TNNI3K: variants seen among roughly 807,000 people sequenced by gnomAD.
TNNI3K encodes the protein serine/threonine-protein kinase TNNI3K.
A neutral mutation model predicts 114.5 loss-of-function variants in TNNI3K; 140 were observed. The observed-to-expected ratio is 1.22, with a 90% CI of 1.07 to 1.41. The LOEUF is 1.41. TNNI3K is among the 40% of genes most tolerant of loss of function. The pLI, the probability that TNNI3K is intolerant of heterozygous loss-of-function variation, is 0.00. For missense variants in TNNI3K, 1,125 were observed against 1,007.6 expected (o/e 1.12, Z -1.58); for synonymous variants, 347 against 347.5 (o/e 1.00, Z 0.02).
chr1:74,364,261 C>T lies in TNNI3K; in HGVS notation c.1178-2995C>T, dbSNP rs140532377. Reference sequence around the variant, plus strand: ...CTCAAACAATCCCTCCACCTCAGCCCCACAAAACACTGGGGTATGAGTCAA... The same window carrying T: ...CTCAAACAATCCCTCCACCTCAGCCTCACAAAACACTGGGGTATGAGTCAA... On this transcript the variant is annotated intron_variant, in intron 11 of 24. Transcript: ENST00000326637. Among the ~76,000 whole-genome samples, 6 of 151,830 alleles carry T rather than the reference C, an allele frequency of 4.0e-5. No individual in the cohort carries two copies. The East Asian group carries it at 1.2e-3, about 30-fold the overall frequency.
chr1:74,396,026 T>G (rs1370868650), intron 17 of TNNI3K, among the ~76,000 whole-genome samples: 4 of 152,178 alleles, frequency 2.6e-5, no homozygotes, highest in Non-Finnish European at 5.9e-5. Flanking sequence ...GGTTATGCTC[T>G]TTGTTGGATT....
chr1:74,271,996 C>T (rs138551556), intron 5 of TNNI3K, among the ~76,000 whole-genome samples: 2 of 152,010 alleles, frequency 1.3e-5, no homozygotes, highest in African/African-American at 4.8e-5. Flanking sequence ...GGGGAAGTTA[C>T]TGAATCTCAT....
At position 74,343,087 on chromosome 1, in the gene TNNI3K, T is replaced by C. The variant is rs757528087; in HGVS notation, c.840T>C (p.Asn280=). 2 of 1,613,460 alleles carry C rather than the reference T, an allele frequency of 1.2e-6. No individual in the cohort carries two copies. Among genetic ancestry groups the C allele is most frequent in the African/African-American group, 1.3e-5 (1 of 75,000 alleles). The change falls in exon 9 of 25, where the codon AAT becomes AAC. Residue 280 remains asparagine (N), a synonymous_variant. Transcript: ENST00000326637. The part of the protein sequence containing the change: ...GDTPLHLACY[N]GKFEVAKEII... ...TCTTCAAATCTAGGGCATGCTACAATGGCAAATTTGAAGTTGCCAAGGAAA... is the reference window on the plus strand; with the variant it reads ...TCTTCAAATCTAGGGCATGCTACAACGGCAAATTTGAAGTTGCCAAGGAAA...
chr1:74,490,565 G>A (rs45469103), intron 22 of TNNI3K, among the ~76,000 whole-genome samples: 113 of 152,286 alleles, frequency 7.4e-4, no homozygotes, highest in African/African-American at 2.7e-3. Context: ...CTCTCCCCAA[G>A]GGAGAAGATG....
intron 5 of TNNI3K, among the ~76,000 whole-genome samples, chr1:74,323,974 C>T (rs1295804517): frequency 6.6e-6 from 1 of 152,092 alleles, no homozygotes; most frequent in African/African-American, 2.4e-5. Context: ...GTCAAGCAAT[C>T]TAAGGGAGAA....
chr1:74,416,359 C>T (rs909750195), intron 17 of TNNI3K: 13 of 984,464 alleles, frequency 1.3e-5, no homozygotes, highest in African/African-American at 8.7e-5. Context: ...TGGAGAGTAA[C>T]GAGCAGAGCT....
chr1:74,320,078 C>A (rs1659524676), intron 5 of TNNI3K, among the ~76,000 whole-genome samples: 1 of 152,146 alleles, frequency 6.6e-6, no homozygotes. Flanking sequence ...GAAGCCAAAA[C>A]TACTTGGGCG....
chr1:74,514,432 T>C (rs896180949), intron 23 of TNNI3K, among the ~76,000 whole-genome samples: 1 of 152,144 alleles, frequency 6.6e-6, no homozygotes, highest in Non-Finnish European at 1.5e-5. Flanking sequence ...AATGAAAAGG[T>C]CCATTTTAAT....
intron 23 of TNNI3K, among the ~76,000 whole-genome samples, chr1:74,539,679 G>A (rs11210477): frequency 0.5 from 76,497 of 151,820 alleles, 20,254 homozygotes; most frequent in East Asian, 0.73. Flanking sequence ...TAGCAAACCT[G>A]CATGACAAGT....
chr1:74,371,110 T>C (rs995427259), intron 17 of TNNI3K: 2 of 151,872 alleles, frequency 1.3e-5, no homozygotes, highest in African/African-American at 2.4e-5. Context: ...AACACTGATT[T>C]AGTTTATGAA....
chr1:74,514,915 C>T (rs538484600), intron 23 of TNNI3K, among the ~76,000 whole-genome samples: 18 of 152,128 alleles, frequency 1.2e-4, no homozygotes, highest in Non-Finnish European at 2.6e-4. Context: ...AGGGTGGGCC[C>T]TTAATTCAAG....
chr1:74,369,172 A>G (rs761085076), intron 14 of TNNI3K, 35 bp from the exon 15 acceptor site: 5 of 1,602,302 alleles, frequency 3.1e-6, no homozygotes, highest in Non-Finnish European at 2.6e-6. Context: ...GCTTAAGTTA[A>G]TATGTGTTTA....
chr1:74,291,928 A>G (rs1238725349), intron 5 of TNNI3K, among the ~76,000 whole-genome samples: 1 of 151,432 alleles, frequency 6.6e-6, no homozygotes, highest in Admixed American at 6.6e-5. Flanking sequence ...ATAATATACA[A>G]TACTAATTCT....
chr1:74,383,559 C>T lies in TNNI3K; in HGVS notation c.1772+13167C>T, dbSNP rs1025906724. Among the ~76,000 whole-genome samples, 23 of 152,160 alleles carry T rather than the reference C, an allele frequency of 1.5e-4. No individual in the cohort carries two copies. In the East Asian group the frequency reaches 4.5e-3, roughly 30 times the overall value. On this transcript the variant is annotated intron_variant, in intron 17 of 24. Transcript: ENST00000326637. ...GTTCCCACAGCACATCAGACTCTTG[C>T]TTATTTCAGGAGAGCTCTTCTCATG...
intron 17 of TNNI3K, among the ~76,000 whole-genome samples, chr1:74,387,936 G>T (rs555398855): frequency 6.6e-6 from 1 of 152,126 alleles, no homozygotes; most frequent in Non-Finnish European, 1.5e-5. Context: ...GTTTATTAAG[G>T]TATCAACTCT....
intron 23 of TNNI3K, among the ~76,000 whole-genome samples, chr1:74,525,641 G>A (rs1449221207): frequency 6.6e-6 from 1 of 152,234 alleles, no homozygotes; most frequent in African/African-American, 2.4e-5. Context: ...GTCTGAAGGA[G>A]TGTGCTTCTG....
At chr1:74,424,999 C>A (rs1665566525) in intron 17 of TNNI3K, among the ~76,000 whole-genome samples, 1 of 151,954 alleles carries the variant, frequency 6.6e-6, no homozygotes, top group South Asian at 2.1e-4. Flanking sequence ...TAGTTATAAC[C>A]ATTTAGTCTC....
intron 17 of TNNI3K, among the ~76,000 whole-genome samples, chr1:74,404,527 T>C (rs1009936808): frequency 6.6e-6 from 1 of 152,154 alleles, no homozygotes; most frequent in Non-Finnish European, 1.5e-5. Context: ...ATCAGAATCA[T>C]CTGGACAGAT....
chr1:74,507,782 C>A (rs532035707), intron 23 of TNNI3K, among the ~76,000 whole-genome samples: 208 of 152,312 alleles, frequency 1.4e-3, no homozygotes, highest in South Asian at 8.3e-3. Flanking sequence ...GAGCTACCGT[C>A]ATCCAGGAAC....
Sources: gnomAD v4.1 joint callset for allele counts (sites outside exome capture counted in the v4.1 genomes callset) on GRCh38, gnomAD v4.1.1 for gene constraint, MANE v1.5 for transcripts, NCBI Gene and HGNC (gene_info 2026-07-23, HGNC 2026-07-21) for gene names.